TUBAL3: variants seen among roughly 807,000 people sequenced by gnomAD.
TUBAL3 encodes the protein tubulin alpha chain-like 3.
In TUBAL3, 16 loss-of-function variants were observed where a neutral mutation model predicts 15.5. The observed-to-expected ratio is 1.04, with a 90% CI of 0.70 to 1.57. The LOEUF (loss-of-function observed/expected upper bound fraction) is 1.57. Among genes scored for constraint, TUBAL3 ranks in the 40% most tolerant of loss-of-function variants. The pLI is 0.00. For synonymous variants in TUBAL3, 238 were observed against 224.3 expected (o/e 1.06, Z -0.55); for missense variants, 609 against 576.2 (o/e 1.06, Z -0.58).
Position 5,397,742 on chromosome 10 carries a change from A to G in TUBAL3, c.248-2267T>C, listed in dbSNP as rs1831785863. ...CTTAACTACGGTGTCAGTCAGCTGCATTCCACTTCAATCATCATCACTCAG... is the reference window on the plus strand; with the variant it reads ...CTTAACTACGGTGTCAGTCAGCTGCGTTCCACTTCAATCATCATCACTCAG... On this transcript the variant is annotated intron_variant, in intron 2 of 3. Transcript: ENST00000380419. The surrounding 1 kb of genome is among the most constrained non-coding windows in gnomAD (Gnocchi z 4.9). Among the ~76,000 whole-genome samples, 1 of 152,190 alleles carries G rather than the reference A, an allele frequency of 6.6e-6. No homozygotes were observed. Among genetic ancestry groups the G allele is most frequent in the African/African-American group, 2.4e-5 (1 of 41,452 alleles).
chr10:5,394,595 TC>T lies in TUBAL3; in HGVS notation c.397-135del. The stretch of plus-strand genomic sequence containing the variant: ...AAAGGACTCCTTTGCCTTTGTTAAC[TC>T]CACAACAAACATAGCTACTTTGAAA... On this transcript the variant is annotated intron_variant, in intron 3 of 3. Transcript: ENST00000380419. This position sits in a 1 kb window ranked among gnomAD's most constrained non-coding sequence, Gnocchi z 4.3. The T allele has an allele frequency of 1.3e-6, 1 of 749,054 alleles. No homozygotes were observed. Among genetic ancestry groups the T allele is most frequent in the Non-Finnish European group, 2.1e-6 (1 of 474,396 alleles). 46.4% of individuals were successfully genotyped at this position (749,054 alleles called of 1,614,324 possible). A position where few individuals can be genotyped will look rare whatever the true frequency, so the allele number is the denominator to read the frequency against.
intron 1 of TUBAL3, among the ~76,000 whole-genome samples, chr10:5,401,985 A>G (rs1239303924): frequency 6.6e-6 from 1 of 151,244 alleles, no homozygotes; most frequent in African/African-American, 2.4e-5. Context: ...CGTTTTCCCA[A>G]AAAAAAAAGA....
At chr10:5,400,289 T>A (rs1191433901) in intron 2 of TUBAL3, among the ~76,000 whole-genome samples, 1 of 152,230 alleles carries the variant, frequency 6.6e-6, no homozygotes, top group Non-Finnish European at 1.5e-5. Context: ...TTATGATATA[T>A]GTGTGGATCA....
At chr10:5,403,344 A>C (rs1197995233) in intron 1 of TUBAL3, among the ~76,000 whole-genome samples, 2 of 152,176 alleles carry the variant, frequency 1.3e-5, no homozygotes, top group East Asian at 3.9e-4. Flanking sequence ...CCTTAAATTT[A>C]AGTTAACATT....
Position 5,404,782 on chromosome 10 carries a change from T to A in TUBAL3, c.3+8A>T, listed in dbSNP as rs371328296. The A allele has an allele frequency of 1.4e-5, 23 of 1,613,512 alleles. No homozygotes were observed. The African/African-American group carries it at 2.7e-4, about 19-fold the overall frequency. ...CCTACAACAATGCATAGGCGTGTAG[T>A]CACTTACCATGCTGATGAGAACGTG... is the stretch of plus-strand genomic sequence containing the variant. On this transcript the variant is annotated splice_region_variant and intron_variant, in intron 1 of 3. Transcript: ENST00000380419.
intron 1 of TUBAL3, among the ~76,000 whole-genome samples, chr10:5,402,398 T>C (rs1436451269): frequency 6.6e-6 from 1 of 152,176 alleles, no homozygotes; most frequent in African/African-American, 2.4e-5. Flanking sequence ...CTGAAACAAA[T>C]CTATTTAGAG....
chr10:5,394,631 G>T lies in TUBAL3; in HGVS notation c.397-170C>A, dbSNP rs529863435. On this transcript the variant is annotated intron_variant, in intron 3 of 3. Transcript: ENST00000380419. The surrounding 1 kb of genome is among the most constrained non-coding windows in gnomAD (Gnocchi z 4.3). ...CATAGCTACTTTGAAATACTCTCAA[G>T]GGGACTTCTGGAGTAGGCAAAGCAC... 6.6e-6 allele frequency among the ~76,000 whole-genome samples: 1 copy of T among 152,298 alleles called. No homozygotes were observed. The highest frequency in any genetic ancestry group is 2.1e-4 in the South Asian group (1 of 4,830).
At chr10:5,399,174 T>C (rs1318323602) in intron 2 of TUBAL3, among the ~76,000 whole-genome samples, 1 of 152,214 alleles carries the variant, frequency 6.6e-6, no homozygotes, top group Admixed American at 6.5e-5. Context: ...GATAATAATG[T>C]CTCCTGACAG....
Position 5,400,767 on chromosome 10 carries a change from A to C in TUBAL3, c.247+77T>G, listed in dbSNP as rs1296792502. On this transcript the variant is annotated intron_variant, in intron 2 of 3. Coordinates refer to ENST00000380419, the MANE Select transcript of TUBAL3 (RefSeq NM_024803.3). ...TGATTCCATTCAGATAGACCTGTATAATCTGCTAATCCCATCCACTTGATT... is the reference window on the plus strand; with the variant it reads ...TGATTCCATTCAGATAGACCTGTATCATCTGCTAATCCCATCCACTTGATT... 3 of 1,564,166 alleles carry C rather than the reference A, an allele frequency of 1.9e-6. No individual in the cohort carries two copies. In the East Asian group the frequency reaches 6.7e-5, roughly 35 times the overall value.
chr10:5,400,670 C>T (rs1831835632), intron 2 of TUBAL3, among the ~76,000 whole-genome samples, 174 bp downstream of exon 2: 1 of 152,092 alleles, frequency 6.6e-6, no homozygotes, highest in African/African-American at 2.4e-5. Flanking sequence ...TCTGGTCTTC[C>T]CTTTGGGTGT....
At chr10:5,402,830 A>G (rs892876064) in intron 1 of TUBAL3, among the ~76,000 whole-genome samples, 1 of 152,246 alleles carries the variant, frequency 6.6e-6, no homozygotes, top group Admixed American at 6.5e-5. Context: ...GAGGTGGAAC[A>G]GTTTCATCCA....
At chr10:5,398,345 G>A (rs911169107) in intron 2 of TUBAL3, among the ~76,000 whole-genome samples, 15 of 150,354 alleles carry the variant, frequency 1.0e-4, no homozygotes, top group African/African-American at 2.0e-4. Flanking sequence ...GCTTGAACCC[G>A]GGAGGCACAG....
chr10:5,398,420 C>CA lies in TUBAL3; in HGVS notation c.247+2423dup, dbSNP rs67359864. 4.6e-3 allele frequency among the ~76,000 whole-genome samples: 368 copies of CA among 80,860 alleles called. 4 individuals are homozygous for CA. The highest frequency in any genetic ancestry group is 0.014 in the Admixed American group (104 of 7,236). 53.0% of individuals were successfully genotyped at this position (80,860 alleles called of 152,430 possible). On this transcript the variant is annotated intron_variant, in intron 2 of 3. Coordinates refer to ENST00000380419, the MANE Select transcript of TUBAL3 (RefSeq NM_024803.3). Reference sequence around the variant, plus strand: ...GGGCAAAAAGAGCAAAACTCTGTCTCAAAAAAAAAAAAAAAAAAAAAAAAA... The same window carrying CA: ...GGGCAAAAAGAGCAAAACTCTGTCTCAAAAAAAAAAAAAAAAAAAAAAAAAA...
chr10:5,399,750 A>T (rs1426593405), intron 2 of TUBAL3, among the ~76,000 whole-genome samples: 1 of 152,186 alleles, frequency 6.6e-6, no homozygotes, highest in Admixed American at 6.5e-5. Context: ...CTCTCAGTCA[A>T]CAGCCAGCAC....
chr10:5,393,745 C>A lies in TUBAL3; in HGVS notation c.1113G>T (p.Pro371=), dbSNP rs371579382. The change falls in exon 4 of 4, where the codon CCG becomes CCT. Residue 371 remains proline (P), a synonymous_variant. Transcript: ENST00000380419. ...GINNRPPTVM[P]GGDLAKVHRS... ...GGTGGACTTTGGCCAGGTCCCCACC[C>A]GGCATCACCGTGGGCGGCCGATTGT... 4 of 1,614,192 alleles carry A rather than the reference C, an allele frequency of 2.5e-6. No homozygotes were observed. Among genetic ancestry groups the A allele is most frequent in the Non-Finnish European group, 3.4e-6 (4 of 1,180,028 alleles).
At position 5,395,808 on chromosome 10, in the gene TUBAL3, G is replaced by A. The variant is rs11815004; in HGVS notation, c.248-333C>T. 1.2e-4 allele frequency among the ~76,000 whole-genome samples: 19 copies of A among 152,160 alleles called. 1 individual carries two copies. The highest frequency in any genetic ancestry group is 2.4e-4 in the African/African-American group (10 of 41,440). On this transcript the variant is annotated intron_variant, in intron 2 of 3. Transcript: ENST00000380419. The surrounding 1 kb of genome is among the most constrained non-coding windows in gnomAD (Gnocchi z 4.6). ...GAGGCTGGAAGTCTAACATCAAGGC[G>A]TTGGTAGGCTTGGTTCCTGCTGGAG...
At chr10:5,399,460 C>G (rs782778056) in intron 2 of TUBAL3, among the ~76,000 whole-genome samples, 30 of 152,280 alleles carry the variant, frequency 2.0e-4, no homozygotes, top group Middle Eastern at 3.4e-3. Context: ...GGGAAGAGAG[C>G]CTTCACCAGA....
At chr10:5,403,591 C>G (rs1429890198) in intron 1 of TUBAL3, among the ~76,000 whole-genome samples, 1 of 151,736 alleles carries the variant, frequency 6.6e-6, no homozygotes, top group Non-Finnish European at 1.5e-5. Context: ...TCAAGTGACT[C>G]AGAAAGCAGA....
intron 1 of TUBAL3, among the ~76,000 whole-genome samples, chr10:5,404,518 A>T (rs1270236354): frequency 1.3e-5 from 2 of 152,198 alleles, no homozygotes; most frequent in Non-Finnish European, 2.9e-5. Flanking sequence ...AAGGAAGGAA[A>T]GGTTTTTGCT....
Sources: allele counts gnomAD v4.1 joint callset (sites outside exome capture counted in the v4.1 genomes callset), GRCh38; gene constraint gnomAD v4.1.1; non-coding constraint Gnocchi (gnomAD v3.1); transcripts MANE v1.5; gene names NCBI Gene and HGNC (gene_info 2026-07-23, HGNC 2026-07-21).